Variants in ARHGAP21 observed in about 807,000 individuals in gnomAD.
ARHGAP21 encodes Rho GTPase activating protein 21.
In ARHGAP21, 38 loss-of-function variants were observed where a neutral mutation model predicts 164.6. The observed-to-expected ratio is 0.23, with a 90% CI of 0.18 to 0.30. ARHGAP21 has a LOEUF of 0.30. Among genes scored for constraint, ARHGAP21 ranks in the 10% least tolerant of loss-of-function variants. The pLI is 1.00. For missense variants in ARHGAP21, 1,822 were observed against 2,370.7 expected, an observed-to-expected ratio of 0.77 and a Z score of 4.81; for synonymous variants, 766 against 857.9, an observed-to-expected ratio of 0.89 and a Z score of 1.87.
At chr10:24,625,800 A>C (rs1835084888) in intron 7 of ARHGAP21, among the ~76,000 whole-genome samples, 1 of 152,248 alleles carries the variant, frequency 6.6e-6, no homozygotes, top group African/African-American at 2.4e-5. Flanking sequence ...AGTTTAAATT[A>C]CATTTTTCAA....
intron 4 of ARHGAP21, among the ~76,000 whole-genome samples, chr10:24,649,827 T>C (rs999007717): frequency 1.3e-5 from 2 of 151,782 alleles, no homozygotes; most frequent in African/African-American, 4.8e-5. Flanking sequence ...AGGCACAGAT[T>C]ATAAAAAAAT....
At chr10:24,703,541 C>G (rs1204626045) in intron 2 of ARHGAP21, among the ~76,000 whole-genome samples, 1 of 152,168 alleles carries the variant, frequency 6.6e-6, no homozygotes, top group Non-Finnish European at 1.5e-5. Flanking sequence ...TTCTTGGGCA[C>G]TAAACTCTGC....
At chr10:24,700,369 C>T (rs995599737) in intron 2 of ARHGAP21, among the ~76,000 whole-genome samples, 5 of 152,178 alleles carry the variant, frequency 3.3e-5, no homozygotes, top group South Asian at 2.1e-4. Flanking sequence ...ACACCCACAA[C>T]GCTACAGAGA....
rs748433077 is a variant in ARHGAP21 at position 24,585,879 on chromosome 10, C to G, written c.4410G>C (p.Lys1470Asn). 6 of 1,613,886 alleles carry G rather than the reference C, an allele frequency of 3.7e-6. No homozygotes were observed. The Admixed American group carries it at 1.0e-4, about 27-fold the overall frequency. Residue 1470 changes from lysine (K) to asparagine (N), a missense_variant, in exon 26 of 26, where the codon AAG becomes AAC. By Grantham distance (94) the Lys-to-Asn change is moderately conservative (BLOSUM62 0). Transcript: ENST00000396432. ...TGCTGTTTTCTTTGGCAATGATGAT[C>G]TTCTGTTTTCTGCCCAGTGTCTCAC... ...KESETLGRKQ[K>N]IIIAKENSTR... is the part of the protein sequence containing the mutation.
chr10:24,667,807 C>A (rs1840341308), intron 3 of ARHGAP21, among the ~76,000 whole-genome samples: 1 of 150,876 alleles, frequency 6.6e-6, no homozygotes, highest in Non-Finnish European at 1.5e-5. Context: ...ACTGAGGTTG[C>A]CAGTTAAGTG....
At chr10:24,683,541 G>C (rs1425012245) in intron 2 of ARHGAP21, among the ~76,000 whole-genome samples, 2 of 151,920 alleles carry the variant, frequency 1.3e-5, no homozygotes, top group African/African-American at 4.8e-5. Context: ...GCCCAGGCTG[G>C]AGTGCAGTGG....
chr10:24,685,319 G>C (rs186969060), intron 2 of ARHGAP21, among the ~76,000 whole-genome samples: 2 of 152,226 alleles, frequency 1.3e-5, no homozygotes, highest in African/African-American at 4.8e-5. Context: ...AAAACAACAA[G>C]AGCATCCAAT....
chr10:24,596,657 C>T (rs767432682), intron 17 of ARHGAP21, 83 bp downstream of exon 17: 2 of 1,569,122 alleles, frequency 1.3e-6, no homozygotes, highest in South Asian at 2.3e-5. Context: ...TCTCTGTTGT[C>T]TGAAAGGCTA....
chr10:24,628,635 G>A (rs946643937), intron 7 of ARHGAP21, among the ~76,000 whole-genome samples: 10 of 151,574 alleles, frequency 6.6e-5, no homozygotes, highest in African/African-American at 1.7e-4. Context: ...ATACTTCAGC[G>A]GCCACTGCCA....
At position 24,624,337 on chromosome 10, in the gene ARHGAP21, C is replaced by CTTTTTTTTTTTT. The variant is rs565872094; in HGVS notation, c.496-1587_496-1576dup. Among the ~76,000 whole-genome samples the CTTTTTTTTTTTT allele has an allele frequency of 3.9e-4, 40 of 102,876 alleles. 3 individuals carry two copies. Among genetic ancestry groups the CTTTTTTTTTTTT allele is most frequent in the African/African-American group, 9.9e-4 (25 of 25,264 alleles). The allele number at this position is 102,876 out of a possible 152,430, so 67.5% of individuals were successfully genotyped here. On this transcript the variant is annotated intron_variant, in intron 7 of 25. Coordinates refer to ENST00000396432, the MANE Select transcript of ARHGAP21 (RefSeq NM_020824.4). ...CTGCCTGGGAAATGCTGTTCTAGAA[C>CTTTTTTTTTTTT]TTTTTTTTTTTTTTTTTTTTGAGAC...
chr10:24,614,187 A>T (rs1212218895), intron 9 of ARHGAP21, among the ~76,000 whole-genome samples: 2 of 152,208 alleles, frequency 1.3e-5, no homozygotes, highest in African/African-American at 2.4e-5. Flanking sequence ...GGAGGTCAAG[A>T]GACCTGGTGT....
At chr10:24,707,847 G>T (rs1844387837) in intron 2 of ARHGAP21, among the ~76,000 whole-genome samples, 1 of 152,072 alleles carries the variant, frequency 6.6e-6, no homozygotes, top group Admixed American at 6.6e-5. Flanking sequence ...CATCTAGTTG[G>T]TCTCCCAAAC....
chr10:24,591,184 G>A (rs758738586), intron 24 of ARHGAP21, 41 bp downstream of exon 24: 2 of 1,454,304 alleles, frequency 1.4e-6, no homozygotes, highest in South Asian at 2.4e-5. Context: ...TAAGAATGTA[G>A]CTTTCAGCCT....
chr10:24,643,265 T>C (rs1837257841), intron 4 of ARHGAP21, among the ~76,000 whole-genome samples: 1 of 152,280 alleles, frequency 6.6e-6, no homozygotes, highest in African/African-American at 2.4e-5. Context: ...TGTAGCATTG[T>C]ACATTTCACA....
intron 16 of ARHGAP21, 70 bp from the exon 17 acceptor site, chr10:24,596,952 AAC>A (rs1344618579): frequency 6.7e-7 from 1 of 1,494,088 alleles, no homozygotes; most frequent in Admixed American, 2.5e-5. Flanking sequence ...TGACTTTAAA[AAC>A]ACTTTATCAA....
At chr10:24,675,485 T>C (rs184609433) in intron 2 of ARHGAP21, among the ~76,000 whole-genome samples, 7 of 152,326 alleles carry the variant, frequency 4.6e-5, no homozygotes, top group African/African-American at 1.2e-4. Flanking sequence ...GTGAATAACC[T>C]TGACTGTGGT....
At position 24,633,396 on chromosome 10, in the gene ARHGAP21, T is replaced by G. The variant is rs1199842304; in HGVS notation, c.440+6A>C. The G allele has an allele frequency of 6.3e-7, 1 of 1,594,546 alleles. No homozygotes were observed. The highest frequency in any genetic ancestry group is 1.3e-5 in the African/African-American group (1 of 74,568). On this transcript the variant is annotated splice_donor_region_variant and intron_variant, in intron 6 of 25. Coordinates refer to ENST00000396432, the MANE Select transcript of ARHGAP21 (RefSeq NM_020824.4). ...TCTTTGGGTTTTAATGTTTTAAGAC[T>G]CTTACCTGTTTTGAATTAAAGCAAT...
chr10:24,709,480 G>A (rs915334906), intron 2 of ARHGAP21, among the ~76,000 whole-genome samples: 24 of 152,124 alleles, frequency 1.6e-4, no homozygotes, highest in African/African-American at 5.3e-4. Flanking sequence ...TCTCATGCCT[G>A]TAATCCCCGC....
intron 4 of ARHGAP21, among the ~76,000 whole-genome samples, chr10:24,656,551 G>A (rs1593188779): frequency 2.2e-5 from 2 of 89,798 alleles, no homozygotes; most frequent in African/African-American, 9.4e-5. Flanking sequence ...CAGCCGCCCT[G>A]TCCGGGAGGG....
Sources: allele counts gnomAD v4.1 joint callset (sites outside exome capture counted in the v4.1 genomes callset), GRCh38; gene constraint gnomAD v4.1.1; transcripts MANE v1.5; gene names NCBI Gene and HGNC (gene_info 2026-07-23, HGNC 2026-07-21).